Variants in NTM observed in about 807,000 individuals in gnomAD.
NTM encodes neurotrimin.
Under a neutral mutation model 42.1 loss-of-function variants are expected in NTM, and 13 were observed. That is an observed-to-expected ratio of 0.31 (90% CI 0.20 to 0.49). The LOEUF (loss-of-function observed/expected upper bound fraction) is 0.49, where lower values mean the gene tolerates loss of function less well. NTM is among the 20% of genes least tolerant of loss of function. NTM has a pLI of 0.99. For synonymous variants in NTM, 187 were observed against 179.2 expected, an observed-to-expected ratio of 1.04 and a Z score of -0.35; for missense variants, 373 against 452.8, an observed-to-expected ratio of 0.82 and a Z score of 1.60.
At chr11:131,692,852 C>T (rs2135052638) in intron 1 of NTM, among the ~76,000 whole-genome samples, 1 of 152,238 alleles carries the variant, frequency 6.6e-6, no homozygotes, top group East Asian at 1.9e-4. Context: ...CTAGTGATTC[C>T]AGGAAAGAAT....
chr11:131,689,019 A>G (rs1353543857), intron 1 of NTM, among the ~76,000 whole-genome samples: 3 of 151,508 alleles, frequency 2.0e-5, no homozygotes, highest in Non-Finnish European at 2.9e-5. Flanking sequence ...GTTAGTTTTA[A>G]TTTTACACGT....
At chr11:131,577,144 T>A in intron 1 of NTM, among the ~76,000 whole-genome samples, 1 of 152,202 alleles carries the variant, frequency 6.6e-6, no homozygotes, top group East Asian at 1.9e-4. Context: ...AGTTTCCTCA[T>A]TGGTAAACAG....
At chr11:132,023,608 C>A (rs549294478) in intron 2 of NTM, among the ~76,000 whole-genome samples, 1 of 152,142 alleles carries the variant, frequency 6.6e-6, no homozygotes, top group African/African-American at 2.4e-5. Context: ...CCAAGAGCAC[C>A]CCTCTGTCCG....
At position 131,598,871 on chromosome 11, in the gene NTM, TCCTTCTTCCTTCCTTC is replaced by T. The variant is rs1565686898; in HGVS notation, c.82+227985_82+228000del. On this transcript the variant is annotated intron_variant, in intron 1 of 8. Transcript: ENST00000683400. ...TTTCTTCCTTCCTTCCTTCCTTCCTTCCTTCTTCCTTCCTTCCTTCCTTCCTTCCTTCCTTCCTTCC... is the reference window on the plus strand; with the variant it reads ...TTTCTTCCTTCCTTCCTTCCTTCCTTCTTCCTTCCTTCCTTCCTTCCTTCC... 2.0e-4 allele frequency among the ~76,000 whole-genome samples: 15 copies of T among 76,742 alleles called. 3 individuals are homozygous for T. Among genetic ancestry groups the T allele is most frequent in the African/African-American group, 7.4e-4 (14 of 18,830 alleles). 50.3% of individuals were successfully genotyped at this position (76,742 alleles called of 152,430 possible).
At chr11:131,647,758 C>T (rs192431372) in intron 1 of NTM, among the ~76,000 whole-genome samples, 40 of 152,094 alleles carry the variant, frequency 2.6e-4, no homozygotes, top group African/African-American at 8.4e-4. Flanking sequence ...AATATTACTG[C>T]CCCAGGATTT....
chr11:131,605,704 A>C, intron 1 of NTM: 1 of 715,124 alleles, frequency 1.4e-6, no homozygotes, highest in Non-Finnish European at 1.7e-6. Context: ...CAGGGTGAGG[A>C]CGTTTCTTTC....
At position 132,197,585 on chromosome 11, in the gene NTM, G is replaced by T. The variant is rs1468314119; in HGVS notation, c.401-14437G>T. Among the ~76,000 whole-genome samples, 9 of 151,332 alleles carry T rather than the reference G, an allele frequency of 5.9e-5. No homozygotes were observed. In the East Asian group the frequency reaches 1.8e-3, roughly 30 times the overall value. ...ATATATGTATACATGTGCCATGTTG[G>T]TGTGCTGCACCCATTAACTCGTCAT... On this transcript the variant is annotated intron_variant, in intron 3 of 8. Transcript: ENST00000683400.
intron 8 of NTM, among the ~76,000 whole-genome samples, chr11:132,331,968 C>A (rs997359572): frequency 3.9e-5 from 6 of 152,148 alleles, no homozygotes; most frequent in African/African-American, 1.4e-4. Context: ...AGACTGCAGG[C>A]ACATCACGAA....
At chr11:131,506,436 T>C (rs2047503348) in intron 1 of NTM, among the ~76,000 whole-genome samples, 1 of 152,130 alleles carries the variant, frequency 6.6e-6, no homozygotes, top group African/African-American at 2.4e-5. Context: ...CCCTGGCAAA[T>C]GGGATTTTTT....
In NTM at chr11:132,003,310, A is replaced by G. The variant is rs185532239; in HGVS notation, c.167+91662A>G. 1.4e-4 allele frequency among the ~76,000 whole-genome samples: 21 copies of G among 151,736 alleles called. No homozygotes were observed. In the East Asian group the frequency reaches 3.9e-3, roughly 28 times the overall value. Reference sequence around the variant, plus strand: ...GCCCAGGTTGGAGTGCAGTGACGCAATCACAGCTTACTGCAGCCTCAACCT... The same window carrying G: ...GCCCAGGTTGGAGTGCAGTGACGCAGTCACAGCTTACTGCAGCCTCAACCT... On this transcript the variant is annotated intron_variant, in intron 2 of 8. Transcript: ENST00000683400. This position sits in a 1 kb window ranked among gnomAD's most constrained non-coding sequence, Gnocchi z 6.0.
rs79219303 is a variant in NTM at position 131,929,872 on chromosome 11, G to A, written c.167+18224G>A. ...AGCTACCTCGTGCTCATGGTCCTGC[G>A]ATGGCTGAAATCCGTGAAATGTCCA... On this transcript the variant is annotated intron_variant, in intron 2 of 8. Coordinates refer to ENST00000683400, the MANE Select transcript of NTM (RefSeq NM_001352005.2). 8.4e-3 allele frequency among the ~76,000 whole-genome samples: 1,278 copies of A among 152,290 alleles called. 16 individuals carry two copies. Among genetic ancestry groups the A allele is most frequent in the Non-Finnish European group, 0.01 (704 of 68,026 alleles).
chr11:132,130,916 G>A (rs1270540765), intron 2 of NTM, among the ~76,000 whole-genome samples: 5 of 152,154 alleles, frequency 3.3e-5, no homozygotes, highest in African/African-American at 7.2e-5. Flanking sequence ...ACTTGCCCAC[G>A]ATCACACATT....
chr11:132,007,552 C>G (rs2071080914), intron 2 of NTM, among the ~76,000 whole-genome samples: 1 of 152,174 alleles, frequency 6.6e-6, no homozygotes, highest in African/African-American at 2.4e-5. Context: ...TTTGTTGCAG[C>G]CTGCTTTGCT....
intron 2 of NTM, among the ~76,000 whole-genome samples, chr11:132,064,137 G>A (rs370629943): frequency 1.4e-4 from 22 of 152,220 alleles, no homozygotes; most frequent in South Asian, 8.3e-4. Context: ...AAGGAGGAGA[G>A]AAAGGAAGAA....
chr11:131,624,385 G>A (rs968794619), intron 1 of NTM, among the ~76,000 whole-genome samples: 2 of 152,030 alleles, frequency 1.3e-5, no homozygotes, highest in South Asian at 2.1e-4. Context: ...TCTGTAGAAC[G>A]GGCACAGCAC....
At chr11:132,176,179 G>A (rs948392111) in intron 3 of NTM, among the ~76,000 whole-genome samples, 4 of 152,156 alleles carry the variant, frequency 2.6e-5, no homozygotes, top group Admixed American at 6.5e-5. Flanking sequence ...CGAGGGACAC[G>A]CTGATTCATC....
chr11:131,706,376 G>A (rs995760675), intron 1 of NTM, among the ~76,000 whole-genome samples: 1 of 151,834 alleles, frequency 6.6e-6, no homozygotes, highest in Non-Finnish European at 1.5e-5. Context: ...CAGCAATGCC[G>A]TAATAGTAAG....
At chr11:132,014,526 C>T (rs2072968265) in intron 2 of NTM, among the ~76,000 whole-genome samples, 1 of 151,938 alleles carries the variant, frequency 6.6e-6, no homozygotes, top group Non-Finnish European at 1.5e-5. Context: ...GTAAGAGTTG[C>T]CTTTTCTCTG....
chr11:132,000,495 T>C (rs572536990), intron 2 of NTM, among the ~76,000 whole-genome samples: 3 of 152,330 alleles, frequency 2.0e-5, no homozygotes. Context: ...TTACGGAGGA[T>C]ATGACTTCAA....
Sources: gnomAD v4.1 joint callset for allele counts (sites outside exome capture counted in the v4.1 genomes callset) on GRCh38, gnomAD v4.1.1 for gene constraint, Gnocchi (gnomAD v3.1) non-coding constraint, MANE v1.5 for transcripts, NCBI Gene and HGNC (gene_info 2026-07-23, HGNC 2026-07-21) for gene names.